Variants in MTAP observed in about 807,000 individuals in gnomAD.
The protein encoded by MTAP is methylthioadenosine phosphorylase, also known as S-methyl-5'-thioadenosine phosphorylase.
In MTAP, 33 loss-of-function variants were observed where a neutral mutation model predicts 33.6. The ratio of observed to expected loss-of-function variants is 0.98; its 90% CI spans 0.74 to 1.31. The LOEUF is 1.31. Ranked by LOEUF, MTAP falls within the 40% of genes most tolerant of loss-of-function variation. MTAP has a pLI of 0.00. For missense variants in MTAP, 367 were observed against 360.0 expected (o/e 1.02, Z -0.16); for synonymous variants, 148 against 125.7 (o/e 1.18, Z -1.19).
chr9:21,849,446 G>T (rs569683767), intron 5 of MTAP, among the ~76,000 whole-genome samples: 1 of 152,098 alleles, frequency 6.6e-6, no homozygotes, highest in Non-Finnish European at 1.5e-5. Context: ...ACGTGCAGTG[G>T]GTCTTATGGG....
intron 1 of MTAP, chr9:21,929,633 C>T: frequency 3.3e-6 from 1 of 304,756 alleles, no homozygotes. Flanking sequence ...GCTTATCCAG[C>T]CTGTACCAGA....
At chr9:21,875,521 T>C (rs1408359532) in intron 1 of MTAP, among the ~76,000 whole-genome samples, 3 of 152,052 alleles carry the variant, frequency 2.0e-5, no homozygotes, top group Non-Finnish European at 4.4e-5. Flanking sequence ...ATTGCAAAAA[T>C]TGGTTATTTT....
chr9:21,856,516 A>T (rs769816102), intron 6 of MTAP, among the ~76,000 whole-genome samples: 1 of 152,306 alleles, frequency 6.6e-6, no homozygotes, highest in Non-Finnish European at 1.5e-5. Flanking sequence ...CTTCCAATTA[A>T]TAGGAAACTC....
chr9:21,841,543 C>G (rs1421045551), intron 5 of MTAP, among the ~76,000 whole-genome samples: 2 of 152,238 alleles, frequency 1.3e-5, no homozygotes, highest in Admixed American at 6.5e-5. Flanking sequence ...CCTGCCACAT[C>G]TACCAGAGCA....
intron 5 of MTAP, among the ~76,000 whole-genome samples, chr9:21,851,778 G>A (rs10965162): frequency 0.22 from 33,852 of 152,118 alleles, 4,642 homozygotes; most frequent in East Asian, 0.41. Context: ...AATCTAATCA[G>A]CTGCCAGCAT....
chr9:21,807,357 GGCCTTCA>G (rs1824234309), intron 1 of MTAP, among the ~76,000 whole-genome samples: 1 of 152,162 alleles, frequency 6.6e-6, no homozygotes, highest in South Asian at 2.1e-4. Context: ...GGCCTGCAAG[GGCCTTCA>G]GCCTGAGAGT....
chr9:21,851,988 T>C (rs1349521100), intron 5 of MTAP, among the ~76,000 whole-genome samples: 4 of 152,186 alleles, frequency 2.6e-5, no homozygotes, highest in Non-Finnish European at 2.9e-5. Flanking sequence ...TGTGAGTTAA[T>C]ACTTAATAAA....
intron 7 of MTAP, chr9:21,861,656 G>A: frequency 3.1e-6 from 1 of 317,466 alleles, no homozygotes; most frequent in Non-Finnish European, 5.8e-6. Flanking sequence ...AGTGGGGTAA[G>A]GATAAGGGAT....
At chr9:21,841,277 T>C (rs571965250) in intron 5 of MTAP, among the ~76,000 whole-genome samples, 1 of 152,372 alleles carries the variant, frequency 6.6e-6, no homozygotes, top group African/African-American at 2.4e-5. Context: ...CTTCTGCAGC[T>C]GGTGCTCTCT....
chr9:21,908,540 C>T (rs1818510913), intron 1 of MTAP, among the ~76,000 whole-genome samples: 1 of 152,084 alleles, frequency 6.6e-6, no homozygotes, highest in Non-Finnish European at 1.5e-5. Flanking sequence ...AACTTCATAT[C>T]ATTACATTTG....
chr9:21,857,064 G>A (rs1328095930), intron 6 of MTAP, among the ~76,000 whole-genome samples: 1 of 152,184 alleles, frequency 6.6e-6, no homozygotes, highest in African/African-American at 2.4e-5. Flanking sequence ...CTCTGATGGA[G>A]TGGGGGGCCT....
chr9:21,840,076 G>C (rs1381965024), intron 5 of MTAP, among the ~76,000 whole-genome samples: 5 of 152,052 alleles, frequency 3.3e-5, no homozygotes, highest in Non-Finnish European at 7.4e-5. Flanking sequence ...AATACGAAAA[G>C]TTAGCCAGGC....
intron 1 of MTAP, chr9:21,893,214 G>C (rs1247756231): frequency 6.6e-6 from 1 of 152,096 alleles, no homozygotes; most frequent in Admixed American, 6.5e-5. Flanking sequence ...GACACATGGG[G>C]ATCATGGGGA....
intron 1 of MTAP, among the ~76,000 whole-genome samples, chr9:21,808,421 CAAA>C (rs55707328): frequency 0.24 from 34,536 of 143,510 alleles, 6,380 homozygotes; most frequent in African/African-American, 0.52. Flanking sequence ...CTCATCTCTG[CAAA>C]AAAAAAAAAC....
chr9:21,855,388 C>T (rs1403198378), intron 6 of MTAP, among the ~76,000 whole-genome samples: 1 of 152,092 alleles, frequency 6.6e-6, no homozygotes, highest in Non-Finnish European at 1.5e-5. Flanking sequence ...AGAAAGCTAA[C>T]GGTTATAAAG....
chr9:21,832,556 C>T (rs1824995237), intron 4 of MTAP, among the ~76,000 whole-genome samples: 1 of 152,122 alleles, frequency 6.6e-6, no homozygotes, highest in South Asian at 2.1e-4. Context: ...AACTCTTCAC[C>T]TTCCTTCACC....
chr9:21,831,740 T>C (rs1015946146), intron 4 of MTAP, among the ~76,000 whole-genome samples: 1 of 152,252 alleles, frequency 6.6e-6, no homozygotes, highest in Admixed American at 6.5e-5. Flanking sequence ...GGATGAGATT[T>C]CTTTTTTAAT....
chr9:21,908,665 T>G (rs1228034913), intron 1 of MTAP, among the ~76,000 whole-genome samples: 1 of 152,104 alleles, frequency 6.6e-6, no homozygotes, highest in Admixed American at 6.6e-5. Flanking sequence ...TTTTGTTGTT[T>G]TCCTCTATTT....
chr9:21,901,885 A>G (rs1818398679), intron 1 of MTAP, among the ~76,000 whole-genome samples: 1 of 152,234 alleles, frequency 6.6e-6, no homozygotes, highest in African/African-American at 2.4e-5. Flanking sequence ...GTGTGCTATG[A>G]TCAAGTTCCA....
Sources: gnomAD v4.1 joint callset for allele counts (sites outside exome capture counted in the v4.1 genomes callset) on GRCh38, gnomAD v4.1.1 for gene constraint, MANE v1.5 for transcripts, NCBI Gene and HGNC (gene_info 2026-07-23, HGNC 2026-07-21) for gene names.